Variants in OPCML observed in about 807,000 individuals in gnomAD.
OPCML encodes the protein opioid binding protein/cell adhesion molecule like, also known as opioid-binding protein/cell adhesion molecule.
In OPCML, 13 loss-of-function variants were observed where a neutral mutation model predicts 37.8. The ratio of observed to expected loss-of-function variants is 0.34; its 90% CI spans 0.22 to 0.55. The LOEUF is 0.55. Among genes scored for constraint, OPCML ranks in the 20% least tolerant of loss-of-function variants. The probability of loss-of-function intolerance (pLI) is 0.91; values close to 1 mark genes in which losing one functional copy is unlikely to be tolerated. For missense variants in OPCML, 341 were observed against 435.6 expected (o/e 0.78, Z 1.93); for synonymous variants, 176 against 168.8 (o/e 1.04, Z -0.33).
intron 3 of OPCML, among the ~76,000 whole-genome samples, chr11:132,591,191 G>C (rs61072936): frequency 0.029 from 4,449 of 152,228 alleles, 245 homozygotes; most frequent in African/African-American, 0.1. Context: ...CCCCCCTTTG[G>C]AGTTGCTGTG....
intron 2 of OPCML, among the ~76,000 whole-genome samples, chr11:132,767,436 A>G (rs1164045252): frequency 6.6e-6 from 1 of 152,202 alleles, no homozygotes; most frequent in Non-Finnish European, 1.5e-5. Flanking sequence ...CCATGAGTCC[A>G]CCTGAAGCCG....
At chr11:133,411,520 G>A (rs924356561) in intron 1 of OPCML, among the ~76,000 whole-genome samples, 1 of 152,150 alleles carries the variant, frequency 6.6e-6, no homozygotes, top group African/African-American at 2.4e-5. Context: ...TAACTCTGGG[G>A]CAAGCTCATT....
At chr11:133,227,841 C>A (rs1940104781) in intron 1 of OPCML, among the ~76,000 whole-genome samples, 1 of 152,130 alleles carries the variant, frequency 6.6e-6, no homozygotes, top group Admixed American at 6.5e-5. Flanking sequence ...AAGAAGCATT[C>A]GACTTAATCG....
chr11:133,053,510 C>A (rs908134708), intron 1 of OPCML, among the ~76,000 whole-genome samples: 6 of 152,322 alleles, frequency 3.9e-5, no homozygotes, highest in African/African-American at 1.4e-4. Context: ...GCTCTGTTCC[C>A]ATTTTGCGAT....
At chr11:133,055,302 G>T (rs1948211549) in intron 1 of OPCML, among the ~76,000 whole-genome samples, 1 of 149,576 alleles carries the variant, frequency 6.7e-6, no homozygotes, top group Admixed American at 6.6e-5. Context: ...ATACAATGCA[G>T]CCTCCATGAT....
chr11:133,134,041 C>A (rs932693631), intron 1 of OPCML, among the ~76,000 whole-genome samples: 1 of 152,124 alleles, frequency 6.6e-6, no homozygotes, highest in Non-Finnish European at 1.5e-5. Context: ...TTTGATAATA[C>A]AGGCTCCTGT....
At chr11:132,818,772 A>T (rs954000799) in intron 2 of OPCML, among the ~76,000 whole-genome samples, 3 of 149,472 alleles carry the variant, frequency 2.0e-5, no homozygotes, top group Admixed American at 1.3e-4. Flanking sequence ...ATCCAATATA[A>T]GAACCATATA....
At chr11:132,421,390 T>G (rs1253532519) in intron 7 of OPCML, among the ~76,000 whole-genome samples, 1 of 152,180 alleles carries the variant, frequency 6.6e-6, no homozygotes, top group Non-Finnish European at 1.5e-5. Context: ...ACAGCTTCTT[T>G]GAGAAGCAAA....
intron 1 of OPCML, among the ~76,000 whole-genome samples, chr11:133,068,909 A>C (rs898056055): frequency 2.0e-5 from 3 of 152,166 alleles, no homozygotes; most frequent in South Asian, 2.1e-4. Flanking sequence ...GAAAATCCTA[A>C]AGCAAGTGAC....
At chr11:132,448,356 A>G (rs2136826557) in intron 4 of OPCML, among the ~76,000 whole-genome samples, 1 of 152,322 alleles carries the variant, frequency 6.6e-6, no homozygotes, top group South Asian at 2.1e-4. Flanking sequence ...CAAAGTACCC[A>G]CTAACCCAGG....
chr11:133,208,474 T>C lies in OPCML; in HGVS notation c.62-265464A>G, dbSNP rs926820642. Among the ~76,000 whole-genome samples, 14 of 152,188 alleles carry C rather than the reference T, an allele frequency of 9.2e-5. No homozygotes were observed. Among genetic ancestry groups the C allele is most frequent in the Admixed American group, 6.5e-4 (10 of 15,274 alleles). On this transcript the variant is annotated intron_variant, in intron 1 of 7. Coordinates refer to ENST00000524381, the MANE Select transcript of OPCML (RefSeq NM_001012393.5). This position sits in a 1 kb window ranked among gnomAD's most constrained non-coding sequence, Gnocchi z 8.9. Reference sequence around the variant, plus strand: ...ATTAAATTTCTCTTGATCTCTCAATTTTTGCATGAATAGATTTGGATAATA... The same window carrying C: ...ATTAAATTTCTCTTGATCTCTCAATCTTTGCATGAATAGATTTGGATAATA...
At position 133,532,471 on chromosome 11, in the gene OPCML, C is replaced by T. The variant is rs1948626035; in HGVS notation, c.-147G>A. The T allele has an allele frequency of 5.5e-6, 5 of 911,402 alleles. No individual in the cohort carries two copies. The East Asian group carries it at 1.1e-4, about 19-fold the overall frequency. 56.5% of individuals were successfully genotyped at this position (911,402 alleles called of 1,614,324 possible). A position where few individuals can be genotyped will look rare whatever the true frequency, so the allele number is the denominator to read the frequency against. ...GAGAGCAGAAGAGAGAGAGAGCGCGCGAGAGATGGGAGCAGGCAGGCAGCG... is the reference window on the plus strand; with the variant it reads ...GAGAGCAGAAGAGAGAGAGAGCGCGTGAGAGATGGGAGCAGGCAGGCAGCG... On this transcript the variant is annotated 5_prime_UTR_variant, in exon 1 of 8. Coordinates refer to ENST00000524381, the MANE Select transcript of OPCML (RefSeq NM_001012393.5).
intron 3 of OPCML, among the ~76,000 whole-genome samples, chr11:132,575,232 C>T (rs779810759): frequency 6.6e-6 from 1 of 151,988 alleles, no homozygotes; most frequent in Non-Finnish European, 1.5e-5. Flanking sequence ...CCACTCAATG[C>T]GTTTTGATTA....
At chr11:133,481,774 G>C (rs1947377389) in intron 1 of OPCML, among the ~76,000 whole-genome samples, 1 of 152,204 alleles carries the variant, frequency 6.6e-6, no homozygotes, top group South Asian at 2.1e-4. Context: ...GTGCAGGACA[G>C]TGTTCATAAC....
chr11:132,715,853 T>C lies in OPCML; in HGVS notation c.147-58534A>G, dbSNP rs111888362. 2.2e-3 allele frequency among the ~76,000 whole-genome samples: 328 copies of C among 152,322 alleles called. 2 individuals are homozygous for C. The highest frequency in any genetic ancestry group is 7.5e-3 in the African/African-American group (311 of 41,572). On this transcript the variant is annotated intron_variant, in intron 2 of 7. Coordinates refer to ENST00000524381, the MANE Select transcript of OPCML (RefSeq NM_001012393.5). ...CTCATCTAGTCTACTGGGATAATGA[T>C]ACCTACCTTACAAATTAGTGGTCGG... is the stretch of plus-strand genomic sequence containing the variant.
At chr11:132,879,745 C>T (rs529249167) in intron 2 of OPCML, among the ~76,000 whole-genome samples, 1 of 152,120 alleles carries the variant, frequency 6.6e-6, no homozygotes, top group Non-Finnish European at 1.5e-5. Flanking sequence ...ACTAGTTCAG[C>T]GTTAATAAAT....
chr11:132,724,381 T>C (rs1042565292), intron 2 of OPCML, among the ~76,000 whole-genome samples: 4 of 152,086 alleles, frequency 2.6e-5, no homozygotes, highest in African/African-American at 4.8e-5. Flanking sequence ...AAAGAACCCT[T>C]ATATAACCAT....
chr11:133,041,124 C>T (rs575739438), intron 1 of OPCML, among the ~76,000 whole-genome samples: 25 of 152,248 alleles, frequency 1.6e-4, no homozygotes, highest in African/African-American at 5.1e-4. Flanking sequence ...TTAGCTCTGA[C>T]CTTGGAAAAG....
intron 4 of OPCML, among the ~76,000 whole-genome samples, chr11:132,440,720 G>A (rs573350854): frequency 2.6e-5 from 4 of 152,226 alleles, no homozygotes; most frequent in African/African-American, 7.2e-5. Flanking sequence ...ATGTTTCTTC[G>A]TTGAAAAAGG....
Sources: gnomAD v4.1 joint callset for allele counts (sites outside exome capture counted in the v4.1 genomes callset) on GRCh38, gnomAD v4.1.1 for gene constraint, Gnocchi (gnomAD v3.1) non-coding constraint, MANE v1.5 for transcripts, NCBI Gene and HGNC (gene_info 2026-07-23, HGNC 2026-07-21) for gene names.